Variants in MYO10 observed in about 807,000 individuals in gnomAD.
The protein encoded by MYO10 is unconventional myosin-X.
MYO10 carries 133 observed loss-of-function variants against 257.3 expected under a neutral mutation model. That is an observed-to-expected ratio of 0.52 (90% CI 0.45 to 0.60). The LOEUF is 0.60. Ranked by LOEUF, MYO10 falls within the 20% of genes least tolerant of loss-of-function variation. The probability of loss-of-function intolerance (pLI) is 0.00; values close to 1 mark genes in which losing one functional copy is unlikely to be tolerated. For synonymous variants in MYO10, 1,104 were observed against 1,028.6 expected (o/e 1.07, Z -1.40); for missense variants, 2,399 against 2,635.7 (o/e 0.91, Z 1.97).
chr5:16,853,917 T>A (rs1280798205), intron 2 of MYO10: 2 of 151,984 alleles, frequency 1.3e-5, no homozygotes, highest in African/African-American at 4.8e-5. Flanking sequence ...TATCTTTCAA[T>A]CTTCTCAGGA....
At chr5:16,803,861 T>C (rs1161357460) in intron 3 of MYO10, among the ~76,000 whole-genome samples, 3 of 152,222 alleles carry the variant, frequency 2.0e-5, no homozygotes, top group Admixed American at 1.3e-4. Flanking sequence ...AGGCCTCCCT[T>C]AGACTACCTA....
At position 16,710,992 on chromosome 5, in the gene MYO10, C is replaced by T. The variant is rs373208938; in HGVS notation, c.2085G>A (p.Leu695=). Residue 695 remains leucine, a synonymous_variant, in exon 21 of 41, where the codon CTG becomes CTA. Coordinates refer to ENST00000513610, the MANE Select transcript of MYO10 (RefSeq NM_012334.3). The part of the protein sequence containing the change: ...RYKVLMRNLA[L]PEDVRGKCTS... ...TGCACTTCCCTCGGACGTCCTCAGG[C>T]AGAGCCAGATTCCTCATCAGCACTT... The T allele has an allele frequency of 6.5e-5, 105 of 1,613,976 alleles. No individual in the cohort carries two copies. In the African/African-American group the frequency reaches 1.3e-3, roughly 19 times the overall value.
At chr5:16,857,046 A>G (rs1454322342) in intron 2 of MYO10, among the ~76,000 whole-genome samples, 1 of 152,242 alleles carries the variant, frequency 6.6e-6, no homozygotes, top group Non-Finnish European at 1.5e-5. Context: ...AATAGGCATT[A>G]TATGTGTCAA....
chr5:16,908,324 T>A (rs1745569130), intron 1 of MYO10, among the ~76,000 whole-genome samples: 1 of 151,976 alleles, frequency 6.6e-6, no homozygotes, highest in African/African-American at 2.4e-5. Context: ...GGTCAGGAGT[T>A]CGAGAGCAGC....
intron 29 of MYO10, among the ~76,000 whole-genome samples, chr5:16,685,396 G>A (rs767991482): frequency 2.6e-5 from 4 of 151,844 alleles, no homozygotes; most frequent in Non-Finnish European, 5.9e-5. Context: ...TTTTTTCATA[G>A]AGGCAGTGTC....
At chr5:16,795,951 G>A (rs1277062820) in intron 3 of MYO10, among the ~76,000 whole-genome samples, 2 of 151,952 alleles carry the variant, frequency 1.3e-5, no homozygotes, top group Admixed American at 6.6e-5. Context: ...GCATTTTGGG[G>A]GGCCGAGGTG....
intron 3 of MYO10, among the ~76,000 whole-genome samples, chr5:16,803,392 C>T (rs1742179626): frequency 6.6e-6 from 1 of 152,008 alleles, no homozygotes; most frequent in South Asian, 2.1e-4. Context: ...TGTGCCACCG[C>T]ACTCCAGCCT....
chr5:16,805,928 G>GTA (rs1161952230), intron 3 of MYO10, among the ~76,000 whole-genome samples: 2 of 152,070 alleles, frequency 1.3e-5, no homozygotes, highest in African/African-American at 2.4e-5. Context: ...AGGCCTAAGG[G>GTA]TATAACACCT....
intron 4 of MYO10, among the ~76,000 whole-genome samples, 157 bp downstream of exon 4, chr5:16,794,489 G>T (rs1041804343): frequency 2.6e-5 from 4 of 151,970 alleles, no homozygotes; most frequent in African/African-American, 9.7e-5. Context: ...TCTGAAAGCT[G>T]AAGTTACCAT....
At chr5:16,913,607 A>T (rs1745733241) in intron 1 of MYO10, among the ~76,000 whole-genome samples, 1 of 152,184 alleles carries the variant, frequency 6.6e-6, no homozygotes. Context: ...CAGGCTACTG[A>T]CCTGCCTGCT....
chr5:16,731,747 G>A (rs576655460), intron 19 of MYO10, among the ~76,000 whole-genome samples: 4 of 152,360 alleles, frequency 2.6e-5, no homozygotes, highest in African/African-American at 2.4e-5. Context: ...TCTGGACAGC[G>A]TGGAGGGCAT....
intron 2 of MYO10, among the ~76,000 whole-genome samples, chr5:16,869,528 C>T (rs746349498): frequency 6.6e-6 from 1 of 151,700 alleles, no homozygotes; most frequent in Non-Finnish European, 1.5e-5. Flanking sequence ...ACGACTGGAC[C>T]ACTGCACCCC....
Position 16,729,745 on chromosome 5 carries a change from A to G in MYO10, c.1930-18500T>C, listed in dbSNP as rs570919258. On this transcript the variant is annotated intron_variant, in intron 19 of 40. Coordinates refer to ENST00000513610, the MANE Select transcript of MYO10 (RefSeq NM_012334.3). ...AGGCGTGAGCCACCGCACCCAGCCTAAAGTTTTATTTTCTAGTGTGGCCCA... is the reference window on the plus strand; with the variant it reads ...AGGCGTGAGCCACCGCACCCAGCCTGAAGTTTTATTTTCTAGTGTGGCCCA... Among the ~76,000 whole-genome samples the G allele has an allele frequency of 1.4e-4, 22 of 152,188 alleles. 1 individual carries two copies. The East Asian group carries it at 3.9e-3, about 27-fold the overall frequency.
chr5:16,879,196 T>TCTCC (rs765789735), intron 1 of MYO10, among the ~76,000 whole-genome samples: 18 of 152,186 alleles, frequency 1.2e-4, no homozygotes, highest in Non-Finnish European at 1.9e-4. Context: ...TTGATTTTTT[T>TCTCC]CTCCCTCCCT....
intron 40 of MYO10, 80 bp from the exon 41 acceptor site, chr5:16,666,873 C>T: frequency 1.8e-6 from 2 of 1,129,070 alleles, no homozygotes; most frequent in Admixed American, 2.1e-5. Context: ...TCCAGACATT[C>T]CCTGGGCACC....
intron 4 of MYO10, among the ~76,000 whole-genome samples, chr5:16,788,013 C>T (rs993328406): frequency 3.9e-5 from 6 of 152,062 alleles, no homozygotes; most frequent in Admixed American, 6.6e-5. Flanking sequence ...AGGCTGGTCT[C>T]GAACTTCTGA....
chr5:16,671,619 A>G (rs975249174), intron 37 of MYO10, 77 bp from the exon 38 acceptor site: 5 of 1,555,392 alleles, frequency 3.2e-6, no homozygotes, highest in African/African-American at 1.4e-5. Flanking sequence ...CTGACTTTAC[A>G]TGGTGTATTC....
chr5:16,772,353 G>A (rs1023646513), intron 9 of MYO10, among the ~76,000 whole-genome samples: 9 of 151,914 alleles, frequency 5.9e-5, no homozygotes, highest in Admixed American at 5.2e-4. Context: ...GGCTGGTCTC[G>A]AACTCCCGAC....
intron 2 of MYO10, among the ~76,000 whole-genome samples, chr5:16,865,703 C>T (rs916017669): frequency 1.3e-5 from 2 of 151,490 alleles, no homozygotes; most frequent in African/African-American, 4.9e-5. Flanking sequence ...CCCAGCTACT[C>T]GGGAGGCTTA....
Sources: gnomAD v4.1 joint callset for allele counts (sites outside exome capture counted in the v4.1 genomes callset) on GRCh38, gnomAD v4.1.1 for gene constraint, MANE v1.5 for transcripts, NCBI Gene and HGNC (gene_info 2026-07-23, HGNC 2026-07-21) for gene names.